The following DAB1 variants were observed in gnomAD, a reference collection of about 807,000 sequenced individuals.
The protein encoded by DAB1 is DAB adaptor protein 1.
A neutral mutation model predicts 64.6 loss-of-function variants in DAB1; 15 were observed. That is an observed-to-expected ratio of 0.23 (90% confidence interval 0.16 to 0.36). The LOEUF is 0.36. Ranked by LOEUF, DAB1 falls within the 10% of genes least tolerant of loss-of-function variation. DAB1 has a pLI of 1.00. For missense variants in DAB1, 596 were observed against 706.7 expected, an observed-to-expected ratio of 0.84 and a Z score of 1.78; for synonymous variants, 235 against 251.9, an observed-to-expected ratio of 0.93 and a Z score of 0.64.
chr1:58,434,337 A>C (rs1644917971), intron 3 of DAB1, among the ~76,000 whole-genome samples: 1 of 151,970 alleles, frequency 6.6e-6, no homozygotes, highest in African/African-American at 2.4e-5. Flanking sequence ...CTGTGAATAC[A>C]GTAGTAGCTC....
rs200707299 is a variant in DAB1 at position 57,780,586 on chromosome 1, A to G, written n.551+103413T>C. On this transcript the variant is annotated intron_variant and non_coding_transcript_variant, in intron 6 of 20. Coordinates refer to the DAB1 transcript ENST00000485760. The stretch of plus-strand genomic sequence containing the variant: ...AATTTTGAAAAGTGGAAGACAAAAA[A>G]GAAAAAAAATCCATATTTTGAAATG... 2.0e-3 allele frequency among the ~76,000 whole-genome samples: 219 copies of G among 109,088 alleles called. 6 individuals are homozygous for G. In the South Asian group the frequency reaches 0.062, roughly 31 times the overall value. 71.6% of individuals were successfully genotyped at this position (109,088 alleles called of 152,430 possible).
intron 3 of DAB1, among the ~76,000 whole-genome samples, chr1:58,470,733 T>C (rs1341642693): frequency 1.3e-5 from 2 of 152,218 alleles, no homozygotes; most frequent in Non-Finnish European, 2.9e-5. Flanking sequence ...TCCTGACTCC[T>C]GTCTACTTAA....
chr1:57,893,222 T>A (rs895416869), intron 5 of DAB1, among the ~76,000 whole-genome samples: 3 of 152,110 alleles, frequency 2.0e-5, no homozygotes, highest in Non-Finnish European at 4.4e-5. Flanking sequence ...GCTCTGGGAC[T>A]AAAGGGGATT....
intron 3 of DAB1, among the ~76,000 whole-genome samples, chr1:58,485,100 C>G (rs2654730): frequency 4.0e-5 from 6 of 151,722 alleles, no homozygotes; most frequent in African/African-American, 1.5e-4. Context: ...TATTATCACT[C>G]TGGCATGGGA....
chr1:57,224,777 T>C (rs1379484340), intron 2 of DAB1, among the ~76,000 whole-genome samples: 1 of 152,202 alleles, frequency 6.6e-6, no homozygotes, highest in Non-Finnish European at 1.5e-5. Context: ...GCTAATGAAG[T>C]GACTCTTGGC....
At chr1:57,575,223 TCA>T (rs919697649) in intron 7 of DAB1, among the ~76,000 whole-genome samples, 8 of 152,162 alleles carry the variant, frequency 5.3e-5, no homozygotes, top group African/African-American at 1.9e-4. Flanking sequence ...TAAAAAAGAC[TCA>T]CAAACAAAAA....
At chr1:57,089,083 T>C (rs1653379513) in intron 4 of DAB1, among the ~76,000 whole-genome samples, 1 of 152,214 alleles carries the variant, frequency 6.6e-6, no homozygotes, top group South Asian at 2.1e-4. Context: ...ACCTGTATAA[T>C]GGGAATAACT....
At chr1:57,171,083 G>T (rs1389944671) in intron 2 of DAB1, among the ~76,000 whole-genome samples, 1 of 152,148 alleles carries the variant, frequency 6.6e-6, no homozygotes, top group Non-Finnish European at 1.5e-5. Context: ...GTCAATGGAT[G>T]CAGTGCTGCC....
chr1:58,268,078 T>G (rs1024868033), intron 4 of DAB1, among the ~76,000 whole-genome samples: 1 of 81,542 alleles, frequency 1.2e-5, no homozygotes, highest in East Asian at 7.9e-4. Flanking sequence ...GAATTCTAAT[T>G]CTGCCACTTA....
intron 7 of DAB1, among the ~76,000 whole-genome samples, chr1:57,613,167 T>C (rs1294402521): frequency 6.6e-6 from 1 of 152,248 alleles, no homozygotes; most frequent in African/African-American, 2.4e-5. Context: ...GTAATGTGAA[T>C]ATAGCAGCTA....
At chr1:57,565,661 A>G (rs1349703692) in intron 7 of DAB1, among the ~76,000 whole-genome samples, 1 of 152,214 alleles carries the variant, frequency 6.6e-6, no homozygotes, top group Non-Finnish European at 1.5e-5. Flanking sequence ...ACCAACAAAG[A>G]TCAAAAGAGA....
intron 4 of DAB1, among the ~76,000 whole-genome samples, chr1:58,167,302 A>G (rs1401187208): frequency 6.6e-6 from 1 of 152,080 alleles, no homozygotes; most frequent in Non-Finnish European, 1.5e-5. Context: ...AGGATTGTAA[A>G]TGCACCAATC....
chr1:58,289,272 G>T (rs1214283091), intron 4 of DAB1, among the ~76,000 whole-genome samples: 2 of 151,964 alleles, frequency 1.3e-5, no homozygotes, highest in Non-Finnish European at 2.9e-5. Flanking sequence ...TATCCTCTTA[G>T]CATCTCTAAT....
At chr1:58,142,198 G>A (rs180803744) in intron 5 of DAB1, among the ~76,000 whole-genome samples, 144 of 152,126 alleles carry the variant, frequency 9.5e-4, no homozygotes, top group African/African-American at 3.2e-3. Flanking sequence ...CAGTCTCTCC[G>A]GCCAAGTTCC....
intron 3 of DAB1, among the ~76,000 whole-genome samples, chr1:58,424,325 G>A (rs1015367679): frequency 7.2e-5 from 11 of 152,154 alleles, no homozygotes; most frequent in Non-Finnish European, 8.8e-5. Flanking sequence ...TCAGTCTACC[G>A]ATTTCAAATG....
At chr1:57,866,003 G>A (rs1169810236) in intron 1 of DAB1, among the ~76,000 whole-genome samples, 1 of 152,152 alleles carries the variant, frequency 6.6e-6, no homozygotes, top group East Asian at 1.9e-4. Flanking sequence ...ACATGGTGGA[G>A]GGAGCCAGCT....
chr1:57,288,912 C>G (rs943291554), intron 2 of DAB1, among the ~76,000 whole-genome samples: 4 of 152,062 alleles, frequency 2.6e-5, no homozygotes, highest in African/African-American at 7.2e-5. Context: ...TCATAGTGAG[C>G]CTTTGAAGTC....
At chr1:58,443,944 T>G (rs1166287827) in intron 3 of DAB1, among the ~76,000 whole-genome samples, 1 of 152,242 alleles carries the variant, frequency 6.6e-6, no homozygotes, top group African/African-American at 2.4e-5. Context: ...TCACCTTTTT[T>G]GCTTCTATTT....
intron 7 of DAB1, among the ~76,000 whole-genome samples, chr1:57,589,534 A>G (rs888637211): frequency 1.3e-5 from 2 of 152,202 alleles, no homozygotes; most frequent in African/African-American, 4.8e-5. Flanking sequence ...AGATGAGCAG[A>G]TAACTTGAGG....
Sources: gnomAD v4.1 joint callset for allele counts (sites outside exome capture counted in the v4.1 genomes callset) on GRCh38, gnomAD v4.1.1 for gene constraint, MANE v1.5 for transcripts, NCBI Gene and HGNC (gene_info 2026-07-23, HGNC 2026-07-21) for gene names.